RCAN1: variants seen among roughly 807,000 people sequenced by gnomAD.
The protein encoded by RCAN1 is calcipressin-1.
Under a neutral mutation model 22.9 loss-of-function variants are expected in RCAN1, and 11 were observed. The ratio of observed to expected loss-of-function variants is 0.48; its 90% confidence interval spans 0.30 to 0.79. The LOEUF is 0.79. RCAN1 is among the 30% of genes least tolerant of loss of function. The pLI is 0.06. For missense variants in RCAN1, 291 were observed against 337.8 expected (o/e 0.86, Z 1.09); for synonymous variants, 136 against 142.3 (o/e 0.96, Z 0.32).
chr21:34,595,851 A>C (rs1988132153), intron 1 of RCAN1, among the ~76,000 whole-genome samples: 1 of 151,830 alleles, frequency 6.6e-6, no homozygotes, highest in Non-Finnish European at 1.5e-5. Context: ...CAAGCTGACC[A>C]CCCCCCGGCA....
At chr21:34,608,870 C>T (rs1441337139) in intron 1 of RCAN1, among the ~76,000 whole-genome samples, 2 of 152,094 alleles carry the variant, frequency 1.3e-5, no homozygotes, top group African/African-American at 4.8e-5. Flanking sequence ...TAAATAGCTT[C>T]CCAGAGTCAC....
At chr21:34,524,582 T>TA in intron 1 of RCAN1, 1 of 152,498 alleles carries the variant, frequency 6.6e-6, no homozygotes, top group Non-Finnish European at 1.5e-5. Flanking sequence ...AAGTAGTTTT[T>TA]AAAAATTTCC....
At chr21:34,524,930 G>A (rs1984907938) in intron 1 of RCAN1, among the ~76,000 whole-genome samples, 1 of 152,176 alleles carries the variant, frequency 6.6e-6, no homozygotes, top group African/African-American at 2.4e-5. Flanking sequence ...AAGACTGCAT[G>A]GGCTTCTAGT....
intron 1 of RCAN1, among the ~76,000 whole-genome samples, chr21:34,544,694 G>A (rs1337738872): frequency 6.6e-6 from 1 of 152,218 alleles, no homozygotes; most frequent in Admixed American, 6.5e-5. Context: ...GTCTCAACGA[G>A]CCTTTGCTGA....
intron 1 of RCAN1, among the ~76,000 whole-genome samples, chr21:34,580,156 G>A (rs1010038757): frequency 3.3e-5 from 5 of 152,216 alleles, no homozygotes; most frequent in African/African-American, 1.2e-4. Context: ...AAGAGGCCCT[G>A]TTTGATTTAC....
chr21:34,518,395 T>C lies in RCAN1; in HGVS notation c.587-139A>G. 2.3e-6 allele frequency: 2 copies of C among 885,102 alleles called. No individual in the cohort carries two copies. Among genetic ancestry groups the C allele is most frequent in the South Asian group, 1.8e-5 (1 of 55,522 alleles). 54.8% of individuals were successfully genotyped at this position (885,102 alleles called of 1,614,324 possible). A position where few individuals can be genotyped will look rare whatever the true frequency, so the allele number is the denominator to read the frequency against. On this transcript the variant is annotated intron_variant, in intron 3 of 3. Coordinates refer to ENST00000313806, the MANE Select transcript of RCAN1 (RefSeq NM_004414.7). This position sits in a 1 kb window ranked among gnomAD's most constrained non-coding sequence, Gnocchi z 4.2. ...GGGCTGAGAGACACAGCCAGACATA[T>C]TTTGGGTTTGTATTTCTTTGCTAGC...
chr21:34,569,930 A>AG (rs1027131079), intron 1 of RCAN1, among the ~76,000 whole-genome samples: 3 of 152,200 alleles, frequency 2.0e-5, no homozygotes, highest in Non-Finnish European at 4.4e-5. Flanking sequence ...GATCCACTCA[A>AG]GGGGCTTCGG....
chr21:34,561,115 G>T lies in RCAN1; in HGVS notation c.253-37405C>A, dbSNP rs1180371063. Among the ~76,000 whole-genome samples, 5 of 152,256 alleles carry T rather than the reference G, an allele frequency of 3.3e-5. No homozygotes were observed. The East Asian group carries it at 7.7e-4, about 24-fold the overall frequency. ...TCCATCCTGCCGCCCTGTGAAGAAG[G>T]TTGCCTGCTTCTCCTTTGCCTTCCT... On this transcript the variant is annotated intron_variant, in intron 1 of 3. Coordinates refer to ENST00000313806, the MANE Select transcript of RCAN1 (RefSeq NM_004414.7).
intron 1 of RCAN1, among the ~76,000 whole-genome samples, chr21:34,563,624 A>G (rs62214614): frequency 0.24 from 36,452 of 151,084 alleles, 5,102 homozygotes; most frequent in African/African-American, 0.39. Flanking sequence ...AGAACTGCCC[A>G]ATGGCCAGGC....
chr21:34,521,401 C>G, intron 3 of RCAN1, 98 bp downstream of exon 3: 1 of 1,594,126 alleles, frequency 6.3e-7, no homozygotes, highest in Non-Finnish European at 8.5e-7. Flanking sequence ...CCGGCATGGG[C>G]TCAGGAGAGC....
chr21:34,595,088 A>G lies in RCAN1; in HGVS notation c.252+19672T>C, dbSNP rs191764224. Among the ~76,000 whole-genome samples, 18 of 152,352 alleles carry G rather than the reference A, an allele frequency of 1.2e-4. No homozygotes were observed. In the East Asian group the frequency reaches 3.3e-3, roughly 28 times the overall value. ...CAGGGTTTATGTGAGGATGAAATGC[A>G]TTCACACTTCTAGGCAGTGCCATAC... On this transcript the variant is annotated intron_variant, in intron 1 of 3. Transcript: ENST00000313806.
At position 34,523,530 on chromosome 21, in the gene RCAN1, A is replaced by C. The variant is rs755269513; in HGVS notation, c.426+7T>G. ...GAGAAGCATGCATAGCAATGAACCC[A>C]ACTCACCTGAGCAAAATATAACTTC... On this transcript the variant is annotated splice_region_variant and intron_variant, in intron 2 of 3. Transcript: ENST00000313806. 2 of 1,613,736 alleles carry C rather than the reference A, an allele frequency of 1.2e-6. No homozygotes were observed. The highest frequency in any genetic ancestry group is 4.5e-5 in the East Asian group (2 of 44,894).
intron 1 of RCAN1, chr21:34,526,806 T>C: frequency 4.5e-6 from 7 of 1,567,440 alleles, no homozygotes; most frequent in South Asian, 1.2e-5. Context: ...CCTAGTGAGA[T>C]TCCTTTCCAA....
intron 1 of RCAN1, among the ~76,000 whole-genome samples, chr21:34,564,895 G>A (rs746334555): frequency 4.6e-5 from 7 of 152,116 alleles, no homozygotes; most frequent in African/African-American, 7.2e-5. Context: ...TTGTATGACT[G>A]TTGGAACTAA....
At position 34,614,921 on chromosome 21, in the gene RCAN1, G is replaced by T. The variant is rs1988779662; in HGVS notation, c.91C>A (p.Arg31=). 1.4e-6 allele frequency: 2 copies of T among 1,389,860 alleles called. No individual in the cohort carries two copies. The highest frequency in any genetic ancestry group is 2.5e-5 in the Admixed American group (1 of 40,682). The allele number at this position is 1,389,860 out of a possible 1,614,324, so 86.1% of individuals were successfully genotyped here. Reference sequence around the variant, plus strand: ...GCCCCCGAGAGGGGCGCGAAGGGCCGCAGCGTCACCCCGGGCCGCGCTCGC... The same window carrying T: ...GCCCCCGAGAGGGGCGCGAAGGGCCTCAGCGTCACCCCGGGCCGCGCTCGC... ...EARARPGVTL[R]PFAPLSGAAE... The change falls in exon 1 of 4, where the codon CGG becomes AGG. Residue 31 remains arginine, a synonymous_variant. Transcript: ENST00000313806. This position sits in a 1 kb window ranked among gnomAD's most constrained non-coding sequence, Gnocchi z 6.0.
intron 1 of RCAN1, among the ~76,000 whole-genome samples, chr21:34,608,375 T>C (rs76019041): frequency 9.3e-4 from 141 of 152,254 alleles, no homozygotes; most frequent in Non-Finnish European, 1.8e-3. Context: ...ACCGACTCGC[T>C]TCTCAGGAAT....
intron 1 of RCAN1, among the ~76,000 whole-genome samples, chr21:34,599,107 A>T (rs1376320525): frequency 6.6e-6 from 1 of 152,200 alleles, no homozygotes; most frequent in Non-Finnish European, 1.5e-5. Context: ...ATTAAAACGT[A>T]AAGTAACCAT....
intron 1 of RCAN1, among the ~76,000 whole-genome samples, chr21:34,595,886 G>A (rs1988133820): frequency 6.6e-6 from 1 of 152,216 alleles, no homozygotes; most frequent in South Asian, 2.1e-4. Context: ...GTGTGAAAAG[G>A]GGAGTCTGGG....
chr21:34,561,284 ACAT>A (rs1305863818), intron 1 of RCAN1, among the ~76,000 whole-genome samples: 4 of 152,188 alleles, frequency 2.6e-5, no homozygotes, highest in African/African-American at 9.7e-5. Flanking sequence ...TGCTGTGTTG[ACAT>A]CATGATCAGA....
Sources: gnomAD v4.1 joint callset for allele counts (sites outside exome capture counted in the v4.1 genomes callset) on GRCh38, gnomAD v4.1.1 for gene constraint, Gnocchi (gnomAD v3.1) non-coding constraint, MANE v1.5 for transcripts, NCBI Gene and HGNC (gene_info 2026-07-23, HGNC 2026-07-21) for gene names.